The following CADM2 variants were observed in gnomAD, a reference collection of about 807,000 sequenced individuals.
CADM2 encodes the protein cell adhesion molecule 2, also known as immunoglobulin superfamily member 4D.
A neutral mutation model predicts 49.8 loss-of-function variants in CADM2; 12 were observed. The observed-to-expected ratio is 0.24, with a 90% confidence interval of 0.15 to 0.39. CADM2 has a LOEUF of 0.39. Ranked by LOEUF, CADM2 falls within the 10% of genes least tolerant of loss-of-function variation. CADM2 has a pLI of 1.00. For synonymous variants in CADM2, 214 were observed against 175.4 expected, an observed-to-expected ratio of 1.22 and a Z score of -1.74; for missense variants, 378 against 492.3, an observed-to-expected ratio of 0.77 and a Z score of 2.20.
chr3:85,753,581 ACTT>A (rs1308127488), intron 2 of CADM2, among the ~76,000 whole-genome samples: 4 of 152,182 alleles, frequency 2.6e-5, no homozygotes, highest in African/African-American at 9.7e-5. Context: ...AAGTCGGTCT[ACTT>A]CTAGTCTACC....
rs528000558 is a variant in CADM2, at chr3:85,313,504, C to A, written c.61+353836C>A. Reference sequence around the variant, plus strand: ...CAAATCATTTTCTTTGGATATCAAACCTTCAGTTCACTTCTTTTGGCCAAA... The same window carrying A: ...CAAATCATTTTCTTTGGATATCAAAACTTCAGTTCACTTCTTTTGGCCAAA... On this transcript the variant is annotated intron_variant, in intron 1 of 9. Transcript: ENST00000383699. Among the ~76,000 whole-genome samples, 3 of 152,180 alleles carry A rather than the reference C, an allele frequency of 2.0e-5. No individual in the cohort carries two copies. In the South Asian group the frequency reaches 6.2e-4, roughly 32 times the overall value.
At chr3:85,265,934 T>C (rs1370820590) in intron 1 of CADM2, among the ~76,000 whole-genome samples, 1 of 151,974 alleles carries the variant, frequency 6.6e-6, no homozygotes, top group African/African-American at 2.4e-5. Context: ...TGAAGAGACT[T>C]TATTATTCAT....
intron 5 of CADM2, among the ~76,000 whole-genome samples, chr3:85,894,622 A>G (rs753886451): frequency 9.2e-5 from 14 of 152,186 alleles, no homozygotes; most frequent in Non-Finnish European, 1.8e-4. Context: ...AGAGACCTTC[A>G]GGGCAACCCC....
chr3:85,502,270 A>C (rs1054442027), intron 1 of CADM2, among the ~76,000 whole-genome samples: 1 of 152,276 alleles, frequency 6.6e-6, no homozygotes, highest in South Asian at 2.1e-4. Context: ...CACTTCAGTG[A>C]ATGGAGTTCA....
intron 3 of CADM2, among the ~76,000 whole-genome samples, chr3:85,834,626 TGTA>T (rs1232163520): frequency 2.0e-5 from 3 of 151,606 alleles, no homozygotes; most frequent in African/African-American, 7.3e-5. Flanking sequence ...GAGTTTGACT[TGTA>T]GTTATATGCT....
At chr3:85,052,156 A>G (rs1356791150) in intron 1 of CADM2, among the ~76,000 whole-genome samples, 10 of 152,152 alleles carry the variant, frequency 6.6e-5, no homozygotes, top group Admixed American at 5.2e-4. Context: ...TTTTATAGCT[A>G]GATGCAATTA....
intron 6 of CADM2, among the ~76,000 whole-genome samples, chr3:85,918,288 G>T (rs969155196): frequency 6.6e-6 from 1 of 152,078 alleles, no homozygotes; most frequent in Non-Finnish European, 1.5e-5. Context: ...TTGGCTGTGG[G>T]TTTGTCATAG....
chr3:85,575,878 G>A (rs2062618830), intron 1 of CADM2, among the ~76,000 whole-genome samples: 1 of 152,190 alleles, frequency 6.6e-6, no homozygotes, highest in Admixed American at 6.5e-5. Context: ...CATAGAATGA[G>A]TATGTACTGA....
chr3:85,991,103 C>CTGGGA (rs1184818357), intron 8 of CADM2, among the ~76,000 whole-genome samples: 6 of 152,142 alleles, frequency 3.9e-5, no homozygotes, highest in African/African-American at 1.4e-4. Context: ...GTCACAGGGA[C>CTGGGA]TGGGAGTTAA....
chr3:85,918,751 A>C (rs1158118793), intron 6 of CADM2, among the ~76,000 whole-genome samples: 2 of 152,146 alleles, frequency 1.3e-5, no homozygotes, highest in Non-Finnish European at 2.9e-5. Context: ...AAACTTCACA[A>C]CTGAGCAGTG....
intron 8 of CADM2, among the ~76,000 whole-genome samples, chr3:86,057,961 T>A (rs796879772): frequency 6.6e-6 from 1 of 152,202 alleles, no homozygotes; most frequent in South Asian, 2.1e-4. Context: ...ATTTTAAAGC[T>A]TTTCCAAGAT....
intron 8 of CADM2, among the ~76,000 whole-genome samples, chr3:86,057,582 A>G (rs1300819140): frequency 6.6e-6 from 1 of 152,200 alleles, no homozygotes. Flanking sequence ...TTACAACTAT[A>G]TTACAAGTGT....
chr3:84,969,090 C>A (rs1244761392), intron 1 of CADM2, among the ~76,000 whole-genome samples: 1 of 151,898 alleles, frequency 6.6e-6, no homozygotes, highest in Non-Finnish European at 1.5e-5. Context: ...AAGGGGGATA[C>A]TTTCTTATAT....
chr3:85,337,023 A>AT (rs2045106095), intron 1 of CADM2, among the ~76,000 whole-genome samples: 1 of 138,194 alleles, frequency 7.2e-6, no homozygotes, highest in Non-Finnish European at 1.6e-5. Flanking sequence ...ATATATAAAT[A>AT]AATATAAATA....
intron 1 of CADM2, among the ~76,000 whole-genome samples, chr3:85,076,412 G>A (rs1218982389): frequency 6.6e-5 from 10 of 151,208 alleles, no homozygotes; most frequent in Admixed American, 2.0e-4. Context: ...CAATGGCATG[G>A]TATCAGCTCA....
chr3:85,332,349 C>T (rs923227990), intron 1 of CADM2, among the ~76,000 whole-genome samples: 1 of 151,790 alleles, frequency 6.6e-6, no homozygotes, highest in African/African-American at 2.4e-5. Context: ...TTAAATATCC[C>T]AATTTAAAAA....
chr3:85,952,493 T>C (rs1319441045), intron 7 of CADM2, among the ~76,000 whole-genome samples: 1 of 151,066 alleles, frequency 6.6e-6, no homozygotes, highest in African/African-American at 2.4e-5. Flanking sequence ...ATTTCTTGGT[T>C]TTCTTGTAAC....
chr3:85,139,498 A>G (rs919316019), intron 1 of CADM2, among the ~76,000 whole-genome samples: 1 of 152,018 alleles, frequency 6.6e-6, no homozygotes, highest in Admixed American at 6.6e-5. Flanking sequence ...GAGAGTTTGT[A>G]TTTTACCAGC....
Position 85,802,199 on chromosome 3 carries a change from G to T in CADM2, c.238+3G>T. 2 of 1,602,808 alleles carry T rather than the reference G, an allele frequency of 1.2e-6. No homozygotes were observed. Among genetic ancestry groups the T allele is most frequent in the African/African-American group, 1.3e-5 (1 of 74,480 alleles). On this transcript the variant is annotated splice_donor_region_variant and intron_variant, in intron 3 of 9. Coordinates refer to ENST00000383699, the MANE Select transcript of CADM2 (RefSeq NM_001167675.2). ...TCTGTACTTTGACGACAAGAAAGGT[G>T]AATACATTTTCTTTCAAATGTTTTA...
Sources: allele counts gnomAD v4.1 joint callset (sites outside exome capture counted in the v4.1 genomes callset), GRCh38; gene constraint gnomAD v4.1.1; transcripts MANE v1.5; gene names NCBI Gene and HGNC (gene_info 2026-07-23, HGNC 2026-07-21).